ADK: variants seen among roughly 807,000 people sequenced by gnomAD.
The protein encoded by ADK is adenosine kinase.
ADK carries 24 observed loss-of-function variants against 44.7 expected under a neutral mutation model. That is an observed-to-expected ratio of 0.54 (90% CI 0.39 to 0.76). The LOEUF (loss-of-function observed/expected upper bound fraction) is 0.76. ADK is among the 30% of genes least tolerant of loss of function. The pLI, the probability that ADK is intolerant of heterozygous loss-of-function variation, is 0.00. For missense variants in ADK, 321 were observed against 425.1 expected, an observed-to-expected ratio of 0.76 and a Z score of 2.15; for synonymous variants, 128 against 142.6, an observed-to-expected ratio of 0.90 and a Z score of 0.73.
chr10:74,227,695 T>G (rs1844597130), intron 3 of ADK, among the ~76,000 whole-genome samples: 1 of 152,048 alleles, frequency 6.6e-6, no homozygotes, highest in Non-Finnish European at 1.5e-5. Flanking sequence ...AATACAAAAA[T>G]TAGCCAGGCA....
intron 6 of ADK, among the ~76,000 whole-genome samples, chr10:74,439,538 A>T (rs561535635): frequency 2.0e-5 from 3 of 152,276 alleles, no homozygotes; most frequent in African/African-American, 4.8e-5. Context: ...AAAGAGGCTT[A>T]GTTTTGACAC....
chr10:74,204,976 G>T (rs10824108), intron 2 of ADK, among the ~76,000 whole-genome samples: 74,412 of 145,554 alleles, frequency 0.51, 19,840 homozygotes, highest in Middle Eastern at 0.61. Flanking sequence ...GGAGGCAGAG[G>T]TTGCAGTGAG....
intron 7 of ADK, among the ~76,000 whole-genome samples, chr10:74,538,911 G>C (rs1198085152): frequency 6.6e-6 from 1 of 152,022 alleles, no homozygotes; most frequent in African/African-American, 2.4e-5. Flanking sequence ...CTGTAAAATA[G>C]AAGTCATTTG....
chr10:74,205,401 C>T (rs149062329), intron 2 of ADK, among the ~76,000 whole-genome samples: 3 of 152,158 alleles, frequency 2.0e-5, no homozygotes, highest in African/African-American at 7.2e-5. Flanking sequence ...GAAGACTGGG[C>T]GTGGTGGCTC....
chr10:74,615,136 C>A (rs574379301), intron 9 of ADK, among the ~76,000 whole-genome samples: 13 of 152,222 alleles, frequency 8.5e-5, no homozygotes, highest in Non-Finnish European at 1.2e-4. Context: ...GAATTGCTTG[C>A]CCATACCCTT....
intron 3 of ADK, among the ~76,000 whole-genome samples, chr10:74,266,289 T>G (rs1036285308): frequency 1.3e-5 from 2 of 152,178 alleles, no homozygotes; most frequent in African/African-American, 4.8e-5. Flanking sequence ...CCGGGCACAG[T>G]GGCTCACGCC....
At chr10:74,540,464 T>A (rs1849589263) in intron 7 of ADK, among the ~76,000 whole-genome samples, 1 of 150,432 alleles carries the variant, frequency 6.6e-6, no homozygotes, top group Non-Finnish European at 1.5e-5. Context: ...ATGCCTTTAA[T>A]TTTTTTTTTC....
chr10:74,228,343 T>C (rs560632795), intron 3 of ADK, among the ~76,000 whole-genome samples: 1 of 152,360 alleles, frequency 6.6e-6, no homozygotes, highest in East Asian at 1.9e-4. Flanking sequence ...GCAATTCAAG[T>C]TGTGATGTGA....
Position 74,323,041 on chromosome 10 carries a change from G to A in ADK, c.273+8296G>A, listed in dbSNP as rs79280295. On this transcript the variant is annotated intron_variant, in intron 4 of 10. Transcript: ENST00000539909. The stretch of plus-strand genomic sequence containing the variant: ...CTTGTGGGCCTTAATGTCATGCAGT[G>A]TTTCTGGGTATGACATTAAACATGG... Among the ~76,000 whole-genome samples the A allele has an allele frequency of 5.9e-5, 9 of 152,258 alleles. No individual in the cohort carries two copies. In the East Asian group the frequency reaches 9.6e-4, roughly 16 times the overall value.
At chr10:74,606,086 A>G (rs909121271) in intron 9 of ADK, among the ~76,000 whole-genome samples, 4 of 151,806 alleles carry the variant, frequency 2.6e-5, no homozygotes, top group Admixed American at 6.6e-5. Context: ...ATCAGTGGTG[A>G]TCTCCCCTTT....
At chr10:74,373,198 C>G (rs945530067) in intron 4 of ADK, among the ~76,000 whole-genome samples, 9 of 151,504 alleles carry the variant, frequency 5.9e-5, no homozygotes, top group African/African-American at 2.2e-4. Context: ...AATGTAAGAA[C>G]TAAAACTGCA....
chr10:74,153,764 A>T (rs1399361894), intron 1 of ADK, among the ~76,000 whole-genome samples: 1 of 152,188 alleles, frequency 6.6e-6, no homozygotes, highest in Admixed American at 6.5e-5. Flanking sequence ...GATCACTTAT[A>T]TTTAAGACAA....
intron 7 of ADK, among the ~76,000 whole-genome samples, chr10:74,582,233 C>T (rs1297433265): frequency 6.6e-6 from 1 of 151,800 alleles, no homozygotes; most frequent in African/African-American, 2.4e-5. Flanking sequence ...CTGAGGTGAG[C>T]CTGGGAGGTT....
intron 10 of ADK, among the ~76,000 whole-genome samples, chr10:74,706,463 A>G (rs1189221386): frequency 2.0e-5 from 3 of 152,184 alleles, no homozygotes; most frequent in Non-Finnish European, 2.9e-5. Flanking sequence ...AGTGTAAGGT[A>G]AAGGTTGAAA....
chr10:74,642,690 C>A (rs1853908402), intron 9 of ADK, among the ~76,000 whole-genome samples: 1 of 152,078 alleles, frequency 6.6e-6, no homozygotes, highest in Admixed American at 6.6e-5. Flanking sequence ...AGACATCTTT[C>A]TACTGAGTGC....
intron 9 of ADK, among the ~76,000 whole-genome samples, chr10:74,604,048 CT>C (rs1395171601): frequency 1.3e-5 from 2 of 152,154 alleles, no homozygotes; most frequent in African/African-American, 4.8e-5. Flanking sequence ...TAAATATCTC[CT>C]TTTGAGAAGT....
intron 7 of ADK, among the ~76,000 whole-genome samples, chr10:74,569,365 A>G (rs1850839185): frequency 2.0e-5 from 3 of 152,174 alleles, no homozygotes; most frequent in Admixed American, 2.0e-4. Flanking sequence ...GACTTCCACA[A>G]TGGTTGAACT....
intron 9 of ADK, among the ~76,000 whole-genome samples, chr10:74,627,470 C>G (rs1368175809): frequency 3.3e-5 from 5 of 151,838 alleles, no homozygotes; most frequent in Non-Finnish European, 5.9e-5. Flanking sequence ...CAGAGTGAGA[C>G]CCTGTCTAAA....
intron 3 of ADK, among the ~76,000 whole-genome samples, chr10:74,255,578 A>G (rs1227021335): frequency 2.0e-5 from 3 of 152,176 alleles, no homozygotes; most frequent in Non-Finnish European, 4.4e-5. Context: ...CATGAATGCC[A>G]TTCTTAGAAT....
Sources: allele counts gnomAD v4.1 joint callset (sites outside exome capture counted in the v4.1 genomes callset), GRCh38; gene constraint gnomAD v4.1.1; transcripts MANE v1.5; gene names NCBI Gene and HGNC (gene_info 2026-07-23, HGNC 2026-07-21).